The following MYOF variants were observed in gnomAD, a reference collection of about 807,000 sequenced individuals.
MYOF encodes the protein myoferlin, also known as fer-1-like 3, myoferlin.
MYOF carries 244 observed loss-of-function variants against 284.2 expected under a neutral mutation model. The observed-to-expected ratio is 0.86, with a 90% confidence interval of 0.77 to 0.95. The LOEUF (loss-of-function observed/expected upper bound fraction) is 0.95. Among genes scored for constraint, MYOF ranks in the 40% least tolerant of loss-of-function variants. The pLI is 0.00. For synonymous variants in MYOF, 904 were observed against 919.7 expected, an observed-to-expected ratio of 0.98 and a Z score of 0.31; for missense variants, 2,496 against 2,560.6, an observed-to-expected ratio of 0.97 and a Z score of 0.54.
chr10:93,326,208 C>A (rs149825760), intron 45 of MYOF, among the ~76,000 whole-genome samples: 1 of 152,282 alleles, frequency 6.6e-6, no homozygotes, highest in South Asian at 2.1e-4. Context: ...GACACCAGAA[C>A]GGGTAAGTGG....
chr10:93,435,906 A>AAT (rs1564717031), intron 3 of MYOF, among the ~76,000 whole-genome samples: 15 of 149,020 alleles, frequency 1.0e-4, no homozygotes, highest in East Asian at 1.9e-4. Context: ...CTTGTCTCAA[A>AAT]AATAATAATA....
At position 93,333,234 on chromosome 10, in the gene MYOF, G is replaced by C. The variant is rs200147618; in HGVS notation, c.4798C>G (p.Pro1600Ala). 23 of 1,613,940 alleles carry C rather than the reference G, an allele frequency of 1.4e-5. No individual in the cohort carries two copies. Among genetic ancestry groups the C allele is most frequent in the Non-Finnish European group, 1.9e-5 (23 of 1,179,814 alleles). Residue 1600 changes from proline (P) to alanine (A), a missense_variant, in exon 43 of 54, where the codon CCA becomes GCA. By Grantham distance (27) the Pro-to-Ala change is conservative. This residue lies in a region of MYOF where 2,436 missense variants were observed against 2,480.7 expected (regional missense o/e 0.98). Transcript: ENST00000359263. ...RDHYIPNTLN[P>A]VFGRMYELSC... ...AATGTATATTACCTGCCAAAGACTG[G>C]GTTGAGAGTGTTGGGAATGTAGTGA...
At chr10:93,388,973 A>G (rs917736504) in intron 18 of MYOF, 57 bp downstream of exon 18, 6 of 1,574,000 alleles carry the variant, frequency 3.8e-6, no homozygotes, top group African/African-American at 1.4e-5. Flanking sequence ...ACATTATAAG[A>G]AGAAATAATC....
intron 17 of MYOF, among the ~76,000 whole-genome samples, chr10:93,389,882 G>GC (rs1160665993): frequency 3.3e-5 from 5 of 152,314 alleles, no homozygotes; most frequent in Non-Finnish European, 4.4e-5. Context: ...AGCCTGAATG[G>GC]CCCCCCATGG....
Position 93,353,795 on chromosome 10 carries a change from AT to A in MYOF, c.3481+15del, listed in dbSNP as rs746158486. The A allele has an allele frequency of 4.1e-5, 66 of 1,595,108 alleles. No homozygotes were observed. Among genetic ancestry groups the A allele is most frequent in the South Asian group, 9.0e-5 (8 of 88,610 alleles). On this transcript the variant is annotated intron_variant, in intron 32 of 53. Transcript: ENST00000359263. ...CTATGTAATCATGTGTAGCATGTAGATTTTTTTTCCTTTACCTGAAAAGCTA... is the reference window on the plus strand; with the variant it reads ...CTATGTAATCATGTGTAGCATGTAGATTTTTTTCCTTTACCTGAAAAGCTA...
At chr10:93,428,404 C>T (rs933477601) in intron 4 of MYOF, among the ~76,000 whole-genome samples, 5 of 151,628 alleles carry the variant, frequency 3.3e-5, no homozygotes, top group Admixed American at 6.6e-5. Flanking sequence ...CGGGGTTTCA[C>T]CATGTTGGCC....
intron 1 of MYOF, among the ~76,000 whole-genome samples, chr10:93,480,084 T>C (rs2057354406): frequency 6.6e-6 from 1 of 152,250 alleles, no homozygotes; most frequent in African/African-American, 2.4e-5. Context: ...TATATTTTAA[T>C]GTCTTTATAT....
chr10:93,345,714 C>A (rs1259910567), intron 37 of MYOF, among the ~76,000 whole-genome samples: 1 of 152,176 alleles, frequency 6.6e-6, no homozygotes, highest in African/African-American at 2.4e-5. Context: ...GCCCAAGGGA[C>A]AGGAGGAGAA....
intron 4 of MYOF, among the ~76,000 whole-genome samples, chr10:93,426,867 C>T (rs868826699): frequency 2.8e-5 from 4 of 142,976 alleles, no homozygotes; most frequent in Non-Finnish European, 6.1e-5. Flanking sequence ...CCCGCCTAGG[C>T]AAAAGAACGA....
chr10:93,437,259 G>GT (rs138422505), intron 3 of MYOF, among the ~76,000 whole-genome samples: 96 of 149,918 alleles, frequency 6.4e-4, no homozygotes, highest in Middle Eastern at 6.8e-3. Flanking sequence ...CGCTTAAACT[G>GT]TTTTTTTTTT....
chr10:93,314,655 A>G (rs11596560), intron 50 of MYOF, among the ~76,000 whole-genome samples: 12,383 of 152,182 alleles, frequency 0.081, 635 homozygotes, highest in African/African-American at 0.14. Context: ...TTCTTGACCT[A>G]TGACTGCTTT....
intron 37 of MYOF, among the ~76,000 whole-genome samples, chr10:93,345,010 G>A (rs760994250): frequency 6.6e-6 from 1 of 152,118 alleles, no homozygotes; most frequent in East Asian, 1.9e-4. Context: ...ACCCTGGGGC[G>A]GGGGTAGGAT....
chr10:93,348,159 T>C lies in MYOF; in HGVS notation c.4084-377A>G, dbSNP rs149598179. 1.5e-3 allele frequency among the ~76,000 whole-genome samples: 222 copies of C among 152,338 alleles called. 1 individual carries two copies. Among genetic ancestry groups the C allele is most frequent in the African/African-American group, 4.8e-3 (199 of 41,592 alleles). On this transcript the variant is annotated intron_variant, in intron 36 of 53. Transcript: ENST00000359263. ...CTCTTTACTCTCAGTCACTGCCCTA[T>C]ACTCTTCCCTGTGCTCTGCTTCCTG...
intron 37 of MYOF, among the ~76,000 whole-genome samples, chr10:93,346,029 G>GA (rs555818707): frequency 1.5e-4 from 22 of 150,744 alleles, no homozygotes; most frequent in African/African-American, 4.1e-4. Context: ...AAAACAGTAA[G>GA]AAAAAAAAAG....
intron 3 of MYOF, among the ~76,000 whole-genome samples, chr10:93,449,604 A>G (rs1364773890): frequency 6.6e-6 from 1 of 152,132 alleles, no homozygotes; most frequent in Non-Finnish European, 1.5e-5. Context: ...AAAAAGCTAG[A>G]ATAGTTTCCA....
intron 53 of MYOF, 33 bp from the exon 54 acceptor site, chr10:93,307,034 CA>C (rs1564603576): frequency 1.3e-6 from 2 of 1,580,706 alleles, no homozygotes; most frequent in African/African-American, 2.7e-5. Context: ...GGTAAAAAAA[CA>C]TGTATGTATA....
rs746087263 is a variant in MYOF at position 93,323,293 on chromosome 10, G to A, written c.5337C>T (p.Asn1779=). The change falls in exon 47 of 54, where the codon AAC becomes AAT. Residue 1779 remains asparagine (N), a synonymous_variant. Coordinates refer to ENST00000359263, the MANE Select transcript of MYOF (RefSeq NM_013451.4). Reference sequence around the variant, plus strand: ...ACTTCTTGGCTTTCCGGGGTGTGATGTTGAAAGGAGGGCCTGGTGGCCCCA... The same window carrying A: ...ACTTCTTGGCTTTCCGGGGTGTGATATTGAAAGGAGGGCCTGGTGGCCCCA... ...KSLGPPGPPF[N]ITPRKAKKYY... The A allele has an allele frequency of 1.6e-5, 26 of 1,614,006 alleles. No homozygotes were observed. The highest frequency in any genetic ancestry group is 6.7e-5 in the Admixed American group (4 of 60,008).
At chr10:93,314,305 T>C (rs1373780728) in intron 50 of MYOF, among the ~76,000 whole-genome samples, 1 of 152,172 alleles carries the variant, frequency 6.6e-6, no homozygotes, top group Non-Finnish European at 1.5e-5. Flanking sequence ...GCCAGGCTGG[T>C]CTTGAACTCC....
chr10:93,403,239 C>T (rs139486226), intron 9 of MYOF, among the ~76,000 whole-genome samples: 1 of 152,298 alleles, frequency 6.6e-6, no homozygotes, highest in East Asian at 1.9e-4. Context: ...ATTCACCTGG[C>T]CCAATTTCCT....
Sources: gnomAD v4.1 joint callset for allele counts (sites outside exome capture counted in the v4.1 genomes callset) on GRCh38, gnomAD v4.1.1 for gene constraint, gnomAD v4.1.1 regional missense constraint, MANE v1.5 for transcripts, NCBI Gene and HGNC (gene_info 2026-07-23, HGNC 2026-07-21) for gene names.